Variants in ZMPSTE24 observed in about 807,000 individuals in gnomAD.
ZMPSTE24 encodes the protein CAAX prenyl protease 1 homolog.
ZMPSTE24 carries 48 observed loss-of-function variants against 56.7 expected under a neutral mutation model. The observed-to-expected ratio is 0.85, with a 90% confidence interval of 0.67 to 1.08. ZMPSTE24 has a LOEUF of 1.08. ZMPSTE24 is among the 50% of genes least tolerant of loss of function. The pLI, the probability that ZMPSTE24 is intolerant of heterozygous loss-of-function variation, is 0.00. For synonymous variants in ZMPSTE24, 172 were observed against 195.2 expected (o/e 0.88, Z 0.99); for missense variants, 503 against 548.7 (o/e 0.92, Z 0.83).
At chr1:40,291,045 C>T (rs777079959) in intron 9 of ZMPSTE24, 48 bp downstream of exon 9, 1 of 1,602,580 alleles carries the variant, frequency 6.2e-7, no homozygotes, top group Non-Finnish European at 8.5e-7. Flanking sequence ...TTGCCTGCTT[C>T]AAATCTAGAG....
At position 40,268,502 on chromosome 1, in the gene ZMPSTE24, T is replaced by C; in HGVS notation, c.441T>C (p.Phe147=). ...TGLPWSLYNT[F]VIEEKHGFNQ... Reference sequence around the variant, plus strand: ...TGCCATGGAGTCTTTATAATACTTTTGTGATAGAAGAAAAACATGGCTTCA... The same window carrying C: ...TGCCATGGAGTCTTTATAATACTTTCGTGATAGAAGAAAAACATGGCTTCA... Residue 147 remains phenylalanine (F), a synonymous_variant, in exon 4 of 10, where the codon TTT becomes TTC. Transcript: ENST00000372759. The C allele has an allele frequency of 1.2e-6, 2 of 1,611,332 alleles. No individual in the cohort carries two copies.
At position 40,277,085 on chromosome 1, in the gene ZMPSTE24, CTTTTTTTTTT is replaced by C. The variant is rs574397138; in HGVS notation, c.770-4249_770-4240del. 5.4e-5 allele frequency among the ~76,000 whole-genome samples: 7 copies of C among 130,084 alleles called. No homozygotes were observed. The Admixed American group carries it at 5.5e-4, about 10-fold the overall frequency. The allele number at this position is 130,084 out of a possible 152,430, so 85.3% of individuals were successfully genotyped here. On this transcript the variant is annotated intron_variant, in intron 6 of 9. Transcript: ENST00000372759. ...AAGCTTACAGTACAGTACAGGGATT[CTTTTTTTTTT>C]TTTTTTTTGAGACGGAATCTTGCTG...
intron 7 of ZMPSTE24, among the ~76,000 whole-genome samples, chr1:40,285,096 A>G (rs199704274): frequency 2.0e-5 from 1 of 49,168 alleles, no homozygotes; most frequent in Non-Finnish European, 3.6e-5. Flanking sequence ...TGGCTAATTT[A>G]TTATTATTAT....
chr1:40,260,799 AC>A (rs774342312), intron 1 of ZMPSTE24, 39 bp from the exon 2 acceptor site: 3 of 1,594,840 alleles, frequency 1.9e-6, no homozygotes, highest in Admixed American at 3.3e-5. Context: ...ATTGTAATAA[AC>A]AACTATTTCA....
intron 8 of ZMPSTE24, among the ~76,000 whole-genome samples, chr1:40,289,230 C>T (rs1266162610): frequency 2.0e-5 from 3 of 152,224 alleles, no homozygotes; most frequent in Admixed American, 1.3e-4. Context: ...ATATCTACCA[C>T]TTGTCCTTGA....
chr1:40,259,420 G>A (rs1252559849), intron 1 of ZMPSTE24: 1 of 152,040 alleles, frequency 6.6e-6, no homozygotes, highest in Non-Finnish European at 1.5e-5. Flanking sequence ...TAGGAGGGAC[G>A]AGGGAGAGTC....
Position 40,291,408 on chromosome 1 carries a change from A to G in ZMPSTE24, c.1203+411A>G, listed in dbSNP as rs559276309. 7.9e-4 allele frequency among the ~76,000 whole-genome samples: 120 copies of G among 152,310 alleles called. 1 individual carries two copies. In the South Asian group the frequency reaches 0.013, roughly 17 times the overall value. ...GTGACTGTTCCTCTGCTCCATGACC[A>G]CCTGCCTCCATATAGCCTGAGGGAT... On this transcript the variant is annotated intron_variant, in intron 9 of 9. Transcript: ENST00000372759.
chr1:40,281,838 T>C (rs908488363), intron 7 of ZMPSTE24, among the ~76,000 whole-genome samples: 1 of 152,136 alleles, frequency 6.6e-6, no homozygotes, highest in Non-Finnish European at 1.5e-5. Context: ...TATATATATA[T>C]ATAATTTCTT....
At chr1:40,286,421 A>G (rs1643787099) in intron 8 of ZMPSTE24, among the ~76,000 whole-genome samples, 1 of 152,130 alleles carries the variant, frequency 6.6e-6, no homozygotes. Flanking sequence ...TTAAAATTAA[A>G]TTAAAAAAAT....
chr1:40,283,917 T>C (rs1305919294), intron 7 of ZMPSTE24, among the ~76,000 whole-genome samples: 2 of 151,474 alleles, frequency 1.3e-5, no homozygotes, highest in Non-Finnish European at 2.9e-5. Flanking sequence ...CTTCCAATCC[T>C]TTATTGTATT....
At chr1:40,261,852 G>A (rs1270721210) in intron 2 of ZMPSTE24, among the ~76,000 whole-genome samples, 1 of 152,168 alleles carries the variant, frequency 6.6e-6, no homozygotes, top group African/African-American at 2.4e-5. Context: ...TGGGACTACA[G>A]GCGCGTGCCA....
At chr1:40,268,269 T>C (rs1643576563) in intron 3 of ZMPSTE24, 150 bp from the exon 4 acceptor site, 15 of 670,872 alleles carry the variant, frequency 2.2e-5, no homozygotes, top group South Asian at 2.2e-4. Context: ...GTAAACTTTT[T>C]TGAAGGCAGG....
rs746064452 is a variant in ZMPSTE24 at position 40,267,834 on chromosome 1, C to T, written c.319C>T (p.Arg107Trp). 2.0e-5 allele frequency: 32 copies of T among 1,613,602 alleles called. No homozygotes were observed. The highest frequency in any genetic ancestry group is 2.2e-5 in the East Asian group (1 of 44,870). Residue 107 changes from arginine (R) to tryptophan (W), a missense_variant, in exon 3 of 10, where the codon CGG (arginine) becomes TGG (tryptophan). Transcript: ENST00000372759. ...ACCTTATCTCTGGAGACTTTCTGGACGGTTCTGTGGTTATGCTGGCTTTGG... is the reference window on the plus strand; with the variant it reads ...ACCTTATCTCTGGAGACTTTCTGGATGGTTCTGTGGTTATGCTGGCTTTGG... ...GIPYLWRLSG[R>W]FCGYAGFGPE...
At chr1:40,287,674 C>CAAA (rs143468956) in intron 8 of ZMPSTE24, among the ~76,000 whole-genome samples, 2 of 77,432 alleles carry the variant, frequency 2.6e-5, no homozygotes, top group African/African-American at 4.7e-5. Flanking sequence ...GACTCTGTCT[C>CAAA]AAAAAAAAAA....
chr1:40,290,333 CGA>C (rs938602541), intron 8 of ZMPSTE24, among the ~76,000 whole-genome samples: 4 of 150,334 alleles, frequency 2.7e-5, no homozygotes, highest in African/African-American at 9.8e-5. Flanking sequence ...TGCAGTGAGC[CGA>C]GATCGTGCCA....
At chr1:40,270,248 C>A in intron 5 of ZMPSTE24, 121 bp downstream of exon 5, 1 of 1,164,020 alleles carries the variant, frequency 8.6e-7, no homozygotes, top group Non-Finnish European at 1.3e-6. Flanking sequence ...TGCTTATATA[C>A]ATTTCCCCCT....
chr1:40,277,977 A>AG (rs1205235596), intron 6 of ZMPSTE24, among the ~76,000 whole-genome samples: 1 of 151,452 alleles, frequency 6.6e-6, no homozygotes, highest in Non-Finnish European at 1.5e-5. Context: ...AAAAAAAAAA[A>AG]AAAAAAAAAA....
chr1:40,292,547 A>G lies in ZMPSTE24; in HGVS notation c.1306A>G (p.Ile436Val). Residue 436 changes from isoleucine (I) to valine (V), a missense_variant, in exon 10 of 10, where the codon ATC (isoleucine) becomes GTC (valine). Physicochemically the swap from Ile to Val is conservative, Grantham distance 29. Transcript: ENST00000372759. ...GGCTAAAGACTTATATTCTGCTTTA[A>G]TCAAACTTAACAAAGATAACTTGGG... ...GKAKDLYSAL[I>V]KLNKDNLGFP... is the part of the protein sequence containing the mutation. 1.2e-6 allele frequency: 2 copies of G among 1,614,168 alleles called. No homozygotes were observed. The highest frequency in any genetic ancestry group is 1.7e-6 in the Non-Finnish European group (2 of 1,180,024).
rs202090930 is a variant in ZMPSTE24, at chr1:40,270,109, C to G, written c.609C>G (p.Phe203Leu). ...ATTTTTTTATTTATGCCTGGCTGTT[C>G]ACATTAGTTGTGTCTCTGGTGAGTA... Reference protein sequence around the residue: ...GDYFFIYAWLFTLVVSLVLVT... With the variant: ...GDYFFIYAWLLTLVVSLVLVT... Residue 203 changes from phenylalanine to leucine, a missense_variant, in exon 5 of 10, where the codon TTC becomes TTG. Physicochemically the swap from Phe to Leu is conservative, Grantham distance 22 (BLOSUM62 0). Transcript: ENST00000372759. 28 of 1,613,718 alleles carry G rather than the reference C, an allele frequency of 1.7e-5. No individual in the cohort carries two copies. The highest frequency in any genetic ancestry group is 2.3e-5 in the Non-Finnish European group (27 of 1,179,936).
Sources: gnomAD v4.1 joint callset for allele counts (sites outside exome capture counted in the v4.1 genomes callset) on GRCh38, gnomAD v4.1.1 for gene constraint, MANE v1.5 for transcripts, NCBI Gene and HGNC (gene_info 2026-07-23, HGNC 2026-07-21) for gene names.